Variants in SEC14L5 observed in about 807,000 individuals in gnomAD.
The protein encoded by SEC14L5 is SEC14 like lipid binding 5.
SEC14L5 carries 96 observed loss-of-function variants against 84.6 expected under a neutral mutation model. That is an observed-to-expected ratio of 1.13 (90% confidence interval 0.96 to 1.34). The LOEUF is 1.34. SEC14L5 is among the 40% of genes most tolerant of loss of function. The pLI is 0.00. For synonymous variants in SEC14L5, 546 were observed against 383.4 expected (o/e 1.42, Z -4.95); for missense variants, 1,224 against 942.5 (o/e 1.30, Z -3.91).
intron 2 of SEC14L5, among the ~76,000 whole-genome samples, chr16:4,975,681 G>T (rs902467188): frequency 6.6e-5 from 10 of 152,180 alleles, no homozygotes; most frequent in African/African-American, 2.4e-4. Flanking sequence ...CCTTTGGGTA[G>T]ATACCCATAT....
At chr16:4,967,660 C>T (rs900825776) in intron 2 of SEC14L5, among the ~76,000 whole-genome samples, 2 of 147,110 alleles carry the variant, frequency 1.4e-5, no homozygotes, top group South Asian at 2.2e-4. Context: ...GAAACTTCCA[C>T]CTCCCAGGGT....
At chr16:4,972,984 A>G (rs969848985) in intron 2 of SEC14L5, among the ~76,000 whole-genome samples, 1 of 152,248 alleles carries the variant, frequency 6.6e-6, no homozygotes, top group East Asian at 1.9e-4. Flanking sequence ...AGTGTTGACT[A>G]TGTGCTAGGC....
At chr16:4,966,217 C>T (rs1296704001) in intron 2 of SEC14L5, among the ~76,000 whole-genome samples, 4 of 150,796 alleles carry the variant, frequency 2.7e-5, no homozygotes, top group Non-Finnish European at 5.9e-5. Flanking sequence ...CCGCCCTCCT[C>T]TGCCTCCCAA....
chr16:4,962,887 C>T (rs56347729), intron 2 of SEC14L5, among the ~76,000 whole-genome samples: 18,327 of 152,118 alleles, frequency 0.12, 1,245 homozygotes, highest in Non-Finnish European at 0.15. Context: ...CCCAAAATAG[C>T]TGCATAACTC....
rs566559659 is a variant in SEC14L5 at position 4,991,094 on chromosome 16, C to T, written c.474+199C>T. ...TCTGTAACAGGGGCACCCTAATCCT[C>T]GCTCTGGCACCATGAGATGTCCAGG... On this transcript the variant is annotated intron_variant, in intron 5 of 15. Transcript: ENST00000251170. Among the ~76,000 whole-genome samples the T allele has an allele frequency of 1.5e-4, 22 of 151,142 alleles. No homozygotes were observed. In the South Asian group the frequency reaches 3.6e-3, roughly 25 times the overall value.
intron 2 of SEC14L5, among the ~76,000 whole-genome samples, chr16:4,964,850 C>A (rs1463340161): frequency 6.6e-6 from 1 of 152,036 alleles, no homozygotes; most frequent in Non-Finnish European, 1.5e-5. Context: ...CCTGTCTCAC[C>A]CTCCTGAGTA....
At chr16:4,976,109 C>A (rs1272030458) in intron 2 of SEC14L5, among the ~76,000 whole-genome samples, 1 of 152,194 alleles carries the variant, frequency 6.6e-6, no homozygotes, top group Non-Finnish European at 1.5e-5. Flanking sequence ...TTTAAATTTA[C>A]TTAAATGGTG....
intron 2 of SEC14L5, 50 bp from the exon 3 acceptor site, chr16:4,987,507 G>GGA: frequency 6.9e-7 from 1 of 1,453,138 alleles, no homozygotes; most frequent in Non-Finnish European, 9.2e-7. Flanking sequence ...TGGGGGGGGG[G>GGA]GTCCCTCTGC....
At chr16:5,000,983 G>T (rs1596638359) in intron 10 of SEC14L5, 58 bp downstream of exon 10, 2 of 1,329,414 alleles carry the variant, frequency 1.5e-6, no homozygotes, top group East Asian at 4.9e-5. Context: ...AGGGTGGAGA[G>T]GGGTCCACTG....
At chr16:4,994,364 TC>T (rs1955584519) in intron 6 of SEC14L5, among the ~76,000 whole-genome samples, 1 of 152,140 alleles carries the variant, frequency 6.6e-6, no homozygotes, top group Admixed American at 6.6e-5. Flanking sequence ...TTATTCTTTT[TC>T]TTTTTTTTTT....
chr16:5,018,047 A>G lies in SEC14L5; in HGVS notation c.*3077A>G, dbSNP rs913502098. The G allele has an allele frequency of 1.3e-5, 2 of 152,278 alleles. No individual in the cohort carries two copies. Among genetic ancestry groups the G allele is most frequent in the African/African-American group, 4.8e-5 (2 of 41,440 alleles). 9.4% of individuals were successfully genotyped at this position (152,278 alleles called of 1,614,324 possible). ...GGACTCAAACCCCAGCCTTCCTTTC[A>G]CTAGCTGTGTAACCTTGACCAGGTG... On this transcript the variant is annotated 3_prime_UTR_variant, in exon 16 of 16. Transcript: ENST00000251170.
intron 12 of SEC14L5, 49 bp from the exon 13 acceptor site, chr16:5,007,303 C>G (rs1254874976): frequency 2.5e-6 from 4 of 1,586,008 alleles, no homozygotes; most frequent in East Asian, 2.2e-5. Flanking sequence ...GTCAGGCCAG[C>G]CAGGCCTCAA....
intron 10 of SEC14L5, 120 bp from the exon 11 acceptor site, chr16:5,003,282 A>G: frequency 1.4e-6 from 1 of 718,050 alleles, no homozygotes. Flanking sequence ...CTGTGGCAGG[A>G]GCCCCCATCT....
chr16:5,011,842 T>C (rs1955808692), intron 15 of SEC14L5, among the ~76,000 whole-genome samples: 1 of 152,120 alleles, frequency 6.6e-6, no homozygotes, highest in Non-Finnish European at 1.5e-5. Flanking sequence ...GGAAGCTGCC[T>C]GTCACCTGGG....
At chr16:4,981,392 G>A (rs2142495737) in intron 2 of SEC14L5, among the ~76,000 whole-genome samples, 1 of 150,820 alleles carries the variant, frequency 6.6e-6, no homozygotes, top group African/African-American at 2.4e-5. Flanking sequence ...GATTACAGGT[G>A]TGAGCCACCG....
intron 6 of SEC14L5, among the ~76,000 whole-genome samples, chr16:4,995,426 G>A (rs1258079951): frequency 4.6e-5 from 7 of 152,172 alleles, no homozygotes; most frequent in Non-Finnish European, 1.0e-4. Flanking sequence ...GCTAAAGAGA[G>A]CATGGCTGTG....
chr16:4,980,845 T>A (rs189150636), intron 2 of SEC14L5, among the ~76,000 whole-genome samples: 3 of 152,250 alleles, frequency 2.0e-5, no homozygotes, highest in Non-Finnish European at 4.4e-5. Flanking sequence ...AATCCAGGCC[T>A]CCTACCCCTC....
chr16:5,000,663 C>G lies in SEC14L5; in HGVS notation c.979C>G (p.Pro327Ala). 1 of 1,551,426 alleles carries G rather than the reference C, an allele frequency of 6.4e-7. No homozygotes were observed. Among genetic ancestry groups the G allele is most frequent in the Non-Finnish European group, 8.7e-7 (1 of 1,147,086 alleles). Reference sequence around the variant, plus strand: ...TGGCCCCATCCACAAAGATGGCCGCCCCCTCTACATCCTCCGCCTGGGCCA... The same window carrying G: ...TGGCCCCATCCACAAAGATGGCCGCGCCCTCTACATCCTCCGCCTGGGCCA... ...GWHYQDIDGR[P>A]LYILRLGQMD... Residue 327 changes from proline to alanine, a missense_variant, in exon 9 of 16, where the codon CCC becomes GCC. By Grantham distance (27) the Pro-to-Ala change is conservative. Transcript: ENST00000251170.
At chr16:5,010,219 C>T (rs1423861159) in intron 14 of SEC14L5, among the ~76,000 whole-genome samples, 1 of 112,730 alleles carries the variant, frequency 8.9e-6, no homozygotes, top group African/African-American at 3.6e-5. Flanking sequence ...AAAAAAAAAG[C>T]GAGGTGTGGT....
Sources: gnomAD v4.1 joint callset for allele counts (sites outside exome capture counted in the v4.1 genomes callset) on GRCh38, gnomAD v4.1.1 for gene constraint, MANE v1.5 for transcripts, NCBI Gene and HGNC (gene_info 2026-07-23, HGNC 2026-07-21) for gene names.